The following WDR70 variants were observed in gnomAD, a reference collection of about 807,000 sequenced individuals.
The protein encoded by WDR70 is WD repeat domain 70, also known as WD repeat-containing protein 70.
WDR70 carries 53 observed loss-of-function variants against 88.6 expected under a neutral mutation model. That is an observed-to-expected ratio of 0.60 (90% CI 0.48 to 0.75). The LOEUF is 0.75. WDR70 is among the 30% of genes least tolerant of loss of function. The probability of loss-of-function intolerance (pLI) is 0.00; values close to 1 mark genes in which losing one functional copy is unlikely to be tolerated. For missense variants in WDR70, 610 were observed against 823.2 expected, an observed-to-expected ratio of 0.74 and a Z score of 3.17; for synonymous variants, 280 against 270.0, an observed-to-expected ratio of 1.04 and a Z score of -0.36.
intron 10 of WDR70, among the ~76,000 whole-genome samples, chr5:37,659,858 G>T (rs1304746217): frequency 2.6e-5 from 4 of 152,026 alleles, no homozygotes. Flanking sequence ...CCTCCAAAAG[G>T]CCTCACCTCC....
At chr5:37,559,483 A>G (rs1040896463) in intron 9 of WDR70, among the ~76,000 whole-genome samples, 18 of 152,138 alleles carry the variant, frequency 1.2e-4, no homozygotes, top group African/African-American at 2.4e-5. Flanking sequence ...ATATTCCTGT[A>G]AAGTTTTATA....
Position 37,379,573 on chromosome 5 carries a change from C to T in WDR70, c.91+19C>T. ...GGGTTCGGTGAGTGACTGCCCCAGG[C>T]AGAGACCCTCTTCCTTGTGCAGAGG... On this transcript the variant is annotated intron_variant, in intron 2 of 17. Coordinates refer to ENST00000265107, the MANE Select transcript of WDR70 (RefSeq NM_018034.4). 1 of 1,613,338 alleles carries T rather than the reference C, an allele frequency of 6.2e-7. No individual in the cohort carries two copies. The highest frequency in any genetic ancestry group is 8.5e-7 in the Non-Finnish European group (1 of 1,179,440).
intron 3 of WDR70, among the ~76,000 whole-genome samples, chr5:37,388,481 T>C (rs1227335740): frequency 6.7e-6 from 1 of 150,080 alleles, no homozygotes; most frequent in Non-Finnish European, 1.5e-5. Flanking sequence ...CTCATGTCTG[T>C]AATCCTAGTA....
At chr5:37,677,968 C>T (rs1028773965) in intron 10 of WDR70, among the ~76,000 whole-genome samples, 1 of 152,076 alleles carries the variant, frequency 6.6e-6, no homozygotes, top group Non-Finnish European at 1.5e-5. Context: ...TTGAATTGAT[C>T]CCTTTACCAT....
chr5:37,665,894 G>A (rs1745826233), intron 10 of WDR70, among the ~76,000 whole-genome samples: 3 of 152,118 alleles, frequency 2.0e-5, no homozygotes, highest in Admixed American at 6.5e-5. Flanking sequence ...CACTGGGCCC[G>A]CCACCCTCTC....
At chr5:37,616,823 G>C (rs994146618) in intron 10 of WDR70, among the ~76,000 whole-genome samples, 3 of 152,122 alleles carry the variant, frequency 2.0e-5, no homozygotes, top group Non-Finnish European at 2.9e-5. Flanking sequence ...AATGCTATCA[G>C]AGCATTATAG....
chr5:37,408,418 G>A (rs545739831), intron 5 of WDR70, among the ~76,000 whole-genome samples: 2 of 152,208 alleles, frequency 1.3e-5, no homozygotes, highest in African/African-American at 4.8e-5. Flanking sequence ...AGGTTCCAGT[G>A]AGCCGATATT....
chr5:37,563,926 C>G (rs1266555375), intron 9 of WDR70, among the ~76,000 whole-genome samples: 1 of 140,638 alleles, frequency 7.1e-6, no homozygotes, highest in Non-Finnish European at 1.6e-5. Flanking sequence ...ACATCCCAGA[C>G]GGGGCGGCAG....
At chr5:37,730,572 A>G (rs1748118052) in intron 17 of WDR70, among the ~76,000 whole-genome samples, 1 of 152,118 alleles carries the variant, frequency 6.6e-6, no homozygotes, top group African/African-American at 2.4e-5. Context: ...GTACGAATTT[A>G]TCATAGTTAA....
intron 9 of WDR70, among the ~76,000 whole-genome samples, chr5:37,584,061 A>G (rs1395926379): frequency 2.0e-5 from 3 of 152,154 alleles, no homozygotes; most frequent in African/African-American, 7.2e-5. Flanking sequence ...TTAGTTGATT[A>G]TTTCACTTAA....
intron 17 of WDR70, among the ~76,000 whole-genome samples, chr5:37,735,489 G>C (rs1314069892): frequency 2.0e-5 from 3 of 152,104 alleles, no homozygotes; most frequent in Non-Finnish European, 2.9e-5. Context: ...GAGCTTTGCA[G>C]AGGACTGCAC....
intron 9 of WDR70, among the ~76,000 whole-genome samples, chr5:37,518,372 C>CT (rs1740960094): frequency 6.6e-6 from 1 of 152,048 alleles, no homozygotes; most frequent in African/African-American, 2.4e-5. Flanking sequence ...TCTTCAGCGT[C>CT]TGGTAACCAT....
intron 9 of WDR70, among the ~76,000 whole-genome samples, chr5:37,533,128 G>T (rs766861472): frequency 2.4e-4 from 37 of 152,202 alleles, no homozygotes; most frequent in Non-Finnish European, 3.4e-4. Flanking sequence ...TTCAGGTCTT[G>T]CAGCCCTGGA....
intron 5 of WDR70, among the ~76,000 whole-genome samples, chr5:37,426,344 CAGTT>C (rs914744062): frequency 2.6e-5 from 4 of 152,178 alleles, no homozygotes; most frequent in African/African-American, 9.7e-5. Flanking sequence ...GATTACTTCA[CAGTT>C]TGTTTTTTTG....
chr5:37,721,462 GT>G, intron 14 of WDR70: 1 of 531,394 alleles, frequency 1.9e-6, no homozygotes, highest in Non-Finnish European at 3.4e-6. Context: ...TAGCTGAAAT[GT>G]TGAGTGCAAG....
chr5:37,446,409 T>C (rs1231251413), intron 7 of WDR70, among the ~76,000 whole-genome samples: 1 of 152,128 alleles, frequency 6.6e-6, no homozygotes, highest in Non-Finnish European at 1.5e-5. Context: ...AAGCTACCAA[T>C]GACTTTCTTC....
chr5:37,479,225 C>T (rs1036831890), intron 7 of WDR70, among the ~76,000 whole-genome samples: 8 of 152,094 alleles, frequency 5.3e-5, no homozygotes, highest in African/African-American at 1.9e-4. Context: ...GAGAAAGAGC[C>T]AGAAGATTTA....
intron 4 of WDR70, among the ~76,000 whole-genome samples, chr5:37,392,830 A>G (rs773884001): frequency 1.6e-4 from 24 of 149,780 alleles, no homozygotes; most frequent in Non-Finnish European, 3.1e-4. Context: ...GTATTTTAGT[A>G]GAGATGGGGT....
In WDR70 at chr5:37,379,553, C is replaced by A; in HGVS notation, c.90C>A (p.Phe30Leu). Reference sequence around the variant, plus strand: ...CGGTCACCATGGGCTTCACGGGGTTCGGTGAGTGACTGCCCCAGGCAGAGA... The same window carrying A: ...CGGTCACCATGGGCTTCACGGGGTTAGGTGAGTGACTGCCCCAGGCAGAGA... ...QLAVTMGFTG[F>L]GKKARTFDLE... The change falls in exon 2 of 18, where the codon TTC becomes TTA. Residue 30 changes from phenylalanine (F) to leucine (L), a missense_variant and splice_region_variant. Phe to Leu is a conservative substitution (Grantham distance 22). This residue lies in a region of WDR70 where 203 missense variants were observed against 228.1 expected (regional missense o/e 0.89). Coordinates refer to ENST00000265107, the MANE Select transcript of WDR70 (RefSeq NM_018034.4). 6.2e-7 allele frequency: 1 copy of A among 1,613,910 alleles called. No homozygotes were observed. The highest frequency in any genetic ancestry group is 1.1e-5 in the South Asian group (1 of 91,082).
Sources: gnomAD v4.1 joint callset for allele counts (sites outside exome capture counted in the v4.1 genomes callset) on GRCh38, gnomAD v4.1.1 for gene constraint, gnomAD v4.1.1 regional missense constraint, MANE v1.5 for transcripts, NCBI Gene and HGNC (gene_info 2026-07-23, HGNC 2026-07-21) for gene names.